Variants in PTPN3 observed in about 807,000 individuals in gnomAD.
The protein encoded by PTPN3 is tyrosine-protein phosphatase non-receptor type 3.
Under a neutral mutation model 132.7 loss-of-function variants are expected in PTPN3, and 96 were observed. The ratio of observed to expected loss-of-function variants is 0.72; its 90% CI spans 0.61 to 0.86. The LOEUF (loss-of-function observed/expected upper bound fraction) is 0.86, where lower values mean the gene tolerates loss of function less well. Among genes scored for constraint, PTPN3 ranks in the 40% least tolerant of loss-of-function variants. The pLI, the probability that PTPN3 is intolerant of heterozygous loss-of-function variation, is 0.00. For missense variants in PTPN3, 1,125 were observed against 1,159.6 expected (o/e 0.97, Z 0.43); for synonymous variants, 398 against 429.0 (o/e 0.93, Z 0.89).
intron 9 of PTPN3, among the ~76,000 whole-genome samples, chr9:109,435,834 G>A (rs921611421): frequency 1.3e-5 from 2 of 152,176 alleles, no homozygotes; most frequent in Non-Finnish European, 2.9e-5. Context: ...AAGTCCCAAA[G>A]CTGATATTTT....
chr9:109,438,076 C>G, intron 8 of PTPN3, 38 bp downstream of exon 8: 1 of 1,589,660 alleles, frequency 6.3e-7, no homozygotes, highest in Non-Finnish European at 8.5e-7. Flanking sequence ...AAATACCCAA[C>G]CCAAGTCCCC....
chr9:109,457,060 G>C (rs913800613), intron 4 of PTPN3, 113 bp downstream of exon 4: 1 of 1,127,774 alleles, frequency 8.9e-7, no homozygotes, highest in African/African-American at 1.6e-5. Flanking sequence ...ATGACTCCTG[G>C]ACACCCGGAA....
chr9:109,479,038 T>C (rs1177903240), intron 1 of PTPN3, among the ~76,000 whole-genome samples: 2 of 151,846 alleles, frequency 1.3e-5, no homozygotes, highest in Non-Finnish European at 2.9e-5. Flanking sequence ...GTAAAATATA[T>C]AGGACCTAAC....
chr9:109,430,951 GTT>G (rs1268212761), intron 10 of PTPN3, among the ~76,000 whole-genome samples: 1 of 152,234 alleles, frequency 6.6e-6, no homozygotes, highest in Non-Finnish European at 1.5e-5. Context: ...CTCAGCTGGT[GTT>G]CAGATCCTGG....
chr9:109,458,201 A>AGCCTTTTTC, intron 2 of PTPN3, among the ~76,000 whole-genome samples: 1 of 152,316 alleles, frequency 6.6e-6, no homozygotes, highest in African/African-American at 2.4e-5. Context: ...GGGACCACAC[A>AGCCTTTTTC]AATGGTCATC....
chr9:109,395,818 CTCTA>C (rs1343175585), intron 19 of PTPN3, among the ~76,000 whole-genome samples: 2 of 148,490 alleles, frequency 1.3e-5, no homozygotes, highest in Non-Finnish European at 3.0e-5. Flanking sequence ...GTCTCTCTCT[CTCTA>C]TATATATGTA....
At chr9:109,496,868 A>C (rs1422977012) in intron 1 of PTPN3, among the ~76,000 whole-genome samples, 1 of 152,158 alleles carries the variant, frequency 6.6e-6, no homozygotes, top group Non-Finnish European at 1.5e-5. Context: ...TCAAACCCTA[A>C]ATGTCAATAG....
Position 109,379,398 on chromosome 9 carries a change from A to C in PTPN3, c.*158T>G. 1.6e-6 allele frequency: 1 copy of C among 630,068 alleles called. No individual in the cohort carries two copies. Among genetic ancestry groups the C allele is most frequent in the East Asian group, 2.7e-5 (1 of 36,720 alleles). The allele number at this position is 630,068 out of a possible 1,614,324, so 39.0% of individuals were successfully genotyped here. A position where few individuals can be genotyped will look rare whatever the true frequency, so the allele number is the denominator to read the frequency against. ...CTTATCTACACCAGTTCCTATGTAC[A>C]CGATATCTTTTCTATAGAAGTTTAA... On this transcript the variant is annotated 3_prime_UTR_variant, in exon 26 of 26. Coordinates refer to ENST00000374541, the MANE Select transcript of PTPN3 (RefSeq NM_002829.4).
At chr9:109,385,975 C>CA (rs932190085) in intron 22 of PTPN3, among the ~76,000 whole-genome samples, 2 of 152,206 alleles carry the variant, frequency 1.3e-5, no homozygotes, top group African/African-American at 4.8e-5. Flanking sequence ...AAACAAGCCA[C>CA]AAGCTGGGTG....
Position 109,402,092 on chromosome 9 carries a change from T to C in PTPN3, c.1953+2356A>G, listed in dbSNP as rs1228524122. Among the ~76,000 whole-genome samples, 8 of 152,116 alleles carry C rather than the reference T, an allele frequency of 5.3e-5. No individual in the cohort carries two copies. In the East Asian group the frequency reaches 1.5e-3, roughly 29 times the overall value. ...GGGGAAATACCCAAGACACACTCGC[T>C]AAATCAACAAACAAACGACTTCTCA... On this transcript the variant is annotated intron_variant, in intron 19 of 25. Transcript: ENST00000374541.
the PTPN3 span, among the ~76,000 whole-genome samples, chr9:109,508,738 A>G: frequency 6.6e-6 from 1 of 152,230 alleles, no homozygotes; most frequent in Non-Finnish European, 1.5e-5. Flanking sequence ...AGAGATATAG[A>G]TAGATGTAGA....
intron 14 of PTPN3, among the ~76,000 whole-genome samples, chr9:109,415,084 A>ATCCG (rs1303131863): frequency 6.6e-4 from 42 of 63,426 alleles, no homozygotes; most frequent in Non-Finnish European, 1.1e-3. Flanking sequence ...CCAACCATCC[A>ATCCG]TCCATCCATC....
At chr9:109,406,031 G>C (rs1427938379) in intron 18 of PTPN3, among the ~76,000 whole-genome samples, 1 of 152,194 alleles carries the variant, frequency 6.6e-6, no homozygotes, top group African/African-American at 2.4e-5. Context: ...GGAATCACCC[G>C]AGACAGTCAG....
At chr9:109,494,912 G>A (rs540005952) in intron 1 of PTPN3, among the ~76,000 whole-genome samples, 5 of 152,160 alleles carry the variant, frequency 3.3e-5, no homozygotes, top group South Asian at 2.1e-4. Flanking sequence ...GTTAACCTGG[G>A]GGCAGTGGGA....
intron 1 of PTPN3, among the ~76,000 whole-genome samples, chr9:109,467,426 G>C (rs1203485307): frequency 6.6e-6 from 1 of 152,006 alleles, no homozygotes; most frequent in African/African-American, 2.4e-5. Context: ...ATTCCCTTTG[G>C]GAGCCCTCAA....
chr9:109,537,598 G>A, the PTPN3 span, among the ~76,000 whole-genome samples: 1 of 152,186 alleles, frequency 6.6e-6, no homozygotes, highest in East Asian at 1.9e-4. Context: ...TTTCTTTCTA[G>A]TTCTTTACTT....
chr9:109,462,595 C>T (rs745753055), intron 2 of PTPN3, among the ~76,000 whole-genome samples: 4 of 151,978 alleles, frequency 2.6e-5, no homozygotes, highest in Non-Finnish European at 5.9e-5. Context: ...GCAAAGGTCA[C>T]GGGCTCGGTG....
At chr9:109,383,601 G>C in intron 22 of PTPN3, 50 bp from the exon 23 acceptor site, 1 of 1,601,198 alleles carries the variant, frequency 6.2e-7, no homozygotes, top group Non-Finnish European at 8.5e-7. Context: ...GGGTGTTCCT[G>C]CAAGCAGTTA....
intron 1 of PTPN3, among the ~76,000 whole-genome samples, chr9:109,496,349 A>G (rs1200153578): frequency 6.6e-6 from 1 of 152,192 alleles, no homozygotes; most frequent in Non-Finnish European, 1.5e-5. Flanking sequence ...TATACTTCAC[A>G]TCTTGATTTA....
Sources: gnomAD v4.1 joint callset for allele counts (sites outside exome capture counted in the v4.1 genomes callset) on GRCh38, gnomAD v4.1.1 for gene constraint, MANE v1.5 for transcripts, NCBI Gene and HGNC (gene_info 2026-07-23, HGNC 2026-07-21) for gene names.